MAP6: variants seen among roughly 807,000 people sequenced by gnomAD.
The protein encoded by MAP6 is microtubule-associated protein 6.
In MAP6, 26 loss-of-function variants were observed where a neutral mutation model predicts 42.4. That is an observed-to-expected ratio of 0.61 (90% confidence interval 0.45 to 0.85). The LOEUF (loss-of-function observed/expected upper bound fraction) is 0.85. MAP6 is among the 40% of genes least tolerant of loss of function. The probability of loss-of-function intolerance (pLI) is 0.00; values close to 1 mark genes in which losing one functional copy is unlikely to be tolerated. For missense variants in MAP6, 966 were observed against 1,099.0 expected (o/e 0.88, Z 1.71); for synonymous variants, 418 against 443.8 (o/e 0.94, Z 0.73).
At chr11:75,601,036 G>C (rs886417891) in intron 3 of MAP6, among the ~76,000 whole-genome samples, 2 of 152,228 alleles carry the variant, frequency 1.3e-5, no homozygotes, top group African/African-American at 2.4e-5. Context: ...GCCTCCTGGG[G>C]CTCTGGGCAG....
intron 1 of MAP6, among the ~76,000 whole-genome samples, chr11:75,658,339 C>T (rs954142485): frequency 3.3e-5 from 5 of 152,076 alleles, no homozygotes; most frequent in African/African-American, 1.2e-4. Context: ...TCCAAAGACA[C>T]CCCAAACTCA....
intron 3 of MAP6, among the ~76,000 whole-genome samples, chr11:75,593,190 T>C (rs1030226549): frequency 2.6e-5 from 4 of 152,236 alleles, no homozygotes; most frequent in Admixed American, 2.6e-4. Context: ...ACCATGTCAG[T>C]TTTGCACATC....
intron 1 of MAP6, among the ~76,000 whole-genome samples, chr11:75,624,352 G>C (rs529010510): frequency 3.3e-5 from 5 of 152,282 alleles, no homozygotes; most frequent in Non-Finnish European, 7.4e-5. Flanking sequence ...AATTGCTCAG[G>C]GTGGCTGCAC....
At chr11:75,646,409 C>T (rs1419321677) in intron 1 of MAP6, among the ~76,000 whole-genome samples, 3 of 149,806 alleles carry the variant, frequency 2.0e-5, no homozygotes, top group South Asian at 2.1e-4. Flanking sequence ...CGCCTGTAAT[C>T]CCAGCACTTT....
chr11:75,589,133 C>T (rs756049456), intron 3 of MAP6, among the ~76,000 whole-genome samples: 31 of 152,220 alleles, frequency 2.0e-4, no homozygotes, highest in Admixed American at 3.9e-4. Flanking sequence ...TCTCTGCTCT[C>T]CTGAGACCTT....
At chr11:75,595,136 C>T (rs564959025) in intron 3 of MAP6, among the ~76,000 whole-genome samples, 1 of 152,370 alleles carries the variant, frequency 6.6e-6, no homozygotes, top group East Asian at 1.9e-4. Flanking sequence ...GCTGCCCAGC[C>T]GCTGCTCGCA....
intron 1 of MAP6, among the ~76,000 whole-genome samples, chr11:75,643,352 G>A (rs1943506977): frequency 6.6e-6 from 1 of 151,970 alleles, no homozygotes; most frequent in South Asian, 2.1e-4. Context: ...GTATGCTTAT[G>A]AGCCTATACT....
chr11:75,600,207 T>C (rs1942642289), intron 3 of MAP6, among the ~76,000 whole-genome samples: 1 of 152,134 alleles, frequency 6.6e-6, no homozygotes, highest in African/African-American at 2.4e-5. Context: ...CCTCATGTCA[T>C]TTCATCCTCA....
chr11:75,649,464 G>A (rs77781262), intron 1 of MAP6, among the ~76,000 whole-genome samples: 7,680 of 152,060 alleles, frequency 0.051, 239 homozygotes, highest in East Asian at 0.14. Context: ...GCCTAGTGGG[G>A]GGGAAAAATA....
intron 1 of MAP6, among the ~76,000 whole-genome samples, chr11:75,656,600 A>T (rs1216680004): frequency 6.6e-6 from 1 of 151,948 alleles, no homozygotes; most frequent in Non-Finnish European, 1.5e-5. Flanking sequence ...TCCCTCACAT[A>T]CCAGAGATAT....
intron 3 of MAP6, among the ~76,000 whole-genome samples, chr11:75,590,682 T>G (rs910378371): frequency 2.0e-5 from 3 of 152,210 alleles, no homozygotes; most frequent in African/African-American, 7.2e-5. Flanking sequence ...ATATTACTTT[T>G]TTAATATTAA....
chr11:75,624,336 G>A (rs776535077), intron 1 of MAP6, among the ~76,000 whole-genome samples: 4 of 152,320 alleles, frequency 2.6e-5, no homozygotes, highest in Non-Finnish European at 5.9e-5. Context: ...CAGCACCTCA[G>A]AGGCCAATTG....
At chr11:75,592,988 C>T (rs1942507518) in intron 3 of MAP6, among the ~76,000 whole-genome samples, 1 of 152,226 alleles carries the variant, frequency 6.6e-6, no homozygotes, top group Admixed American at 6.5e-5. Flanking sequence ...CTAGTGTTTA[C>T]TCAGCTGTCA....
chr11:75,595,269 T>TAGGAA (rs1942558345), intron 3 of MAP6, among the ~76,000 whole-genome samples: 1 of 152,224 alleles, frequency 6.6e-6, no homozygotes, highest in Non-Finnish European at 1.5e-5. Flanking sequence ...CACTGATCCC[T>TAGGAA]GTTTTGCACT....
intron 1 of MAP6, among the ~76,000 whole-genome samples, chr11:75,646,499 TAAAAAA>T (rs763735730): frequency 1.5e-5 from 1 of 66,690 alleles, no homozygotes; most frequent in Non-Finnish European, 2.7e-5. Context: ...CCATCTCTAT[TAAAAAA>T]AAAAAAAAAA....
rs76183584 is a variant in MAP6 at position 75,600,034 on chromosome 11, T to C, written c.1316+5774A>G. On this transcript the variant is annotated intron_variant, in intron 3 of 3. Coordinates refer to ENST00000304771, the MANE Select transcript of MAP6 (RefSeq NM_033063.2). ...AAGGTAATTCAATAGCTGTAATTCT[T>C]TAAAAGCAATCTTCTTAAGAATGTT... Among the ~76,000 whole-genome samples the C allele has an allele frequency of 2.9e-3, 439 of 152,354 alleles. 3 individuals are homozygous for C. The highest frequency in any genetic ancestry group is 8.9e-3 in the African/African-American group (370 of 41,594).
rs1944012013 is a variant in MAP6 at position 75,668,913 on chromosome 11, A to T, written c.-544T>A. 6.1e-6 allele frequency: 1 copy of T among 163,998 alleles called. No homozygotes were observed. Among genetic ancestry groups the T allele is most frequent in the Admixed American group, 6.5e-5 (1 of 15,442 alleles). 10.2% of individuals were successfully genotyped at this position (163,998 alleles called of 1,614,324 possible). A position where few individuals can be genotyped will look rare whatever the true frequency, so the allele number is the denominator to read the frequency against. On this transcript the variant is annotated 5_prime_UTR_variant, in exon 1 of 4. Transcript: ENST00000304771. Reference sequence around the variant, plus strand: ...GCTGCCTCCGCCGCTGCCCGCGAGGATGCCGCAGCCGCCGCCGCCACCGCC... The same window carrying T: ...GCTGCCTCCGCCGCTGCCCGCGAGGTTGCCGCAGCCGCCGCCGCCACCGCC...
At position 75,637,275 on chromosome 11, in the gene MAP6, G is replaced by A. The variant is rs867192559; in HGVS notation, c.906-28953C>T. On this transcript the variant is annotated intron_variant, in intron 1 of 3. Coordinates refer to ENST00000304771, the MANE Select transcript of MAP6 (RefSeq NM_033063.2). ...AAGTTAATGGCAGACCATATATATG[G>A]AGCGGTTGAATTATTCACAGGCTCC... Among the ~76,000 whole-genome samples the A allele has an allele frequency of 3.9e-5, 6 of 152,118 alleles. No individual in the cohort carries two copies. In the South Asian group the frequency reaches 1.2e-3, roughly 32 times the overall value.
chr11:75,667,679 A>G lies in MAP6; in HGVS notation c.691T>C (p.Ser231Pro). The G allele has an allele frequency of 7.9e-7, 1 of 1,272,976 alleles. No homozygotes were observed. Among genetic ancestry groups the G allele is most frequent in the Non-Finnish European group, 9.9e-7 (1 of 1,014,098 alleles). The allele number at this position is 1,272,976 out of a possible 1,614,324, so 78.9% of individuals were successfully genotyped here. A position where few individuals can be genotyped will look rare whatever the true frequency, so the allele number is the denominator to read the frequency against. ...CGCGTGTCGCGCTCGTCCGCCCCGG[A>G]CGCCTTTCCGGCCGCCAGGCCACCC... ...GAGGLAAGKASGADERDTRRK... is the reference protein window; with the variant it reads ...GAGGLAAGKAPGADERDTRRK... Residue 231 changes from serine (S) to proline (P), a missense_variant, in exon 1 of 4, where the codon TCC (serine) becomes CCC (proline). Coordinates refer to ENST00000304771, the MANE Select transcript of MAP6 (RefSeq NM_033063.2). This position sits in a 1 kb window ranked among gnomAD's most constrained non-coding sequence, Gnocchi z 5.6.
Sources: gnomAD v4.1 joint callset for allele counts (sites outside exome capture counted in the v4.1 genomes callset) on GRCh38, gnomAD v4.1.1 for gene constraint, Gnocchi (gnomAD v3.1) non-coding constraint, MANE v1.5 for transcripts, NCBI Gene and HGNC (gene_info 2026-07-23, HGNC 2026-07-21) for gene names.